Variants in ZNF30 observed in about 807,000 individuals in gnomAD.
ZNF30 encodes zinc finger protein 30 (KOX 28).
ZNF30 carries 15 observed loss-of-function variants against 13.2 expected under a neutral mutation model. The observed-to-expected ratio is 1.13, with a 90% CI of 0.76 to 1.75. The LOEUF is 1.75. Among genes scored for constraint, ZNF30 ranks in the 40% most tolerant of loss-of-function variants. ZNF30 has a pLI of 0.00. For synonymous variants in ZNF30, 223 were observed against 256.6 expected, an observed-to-expected ratio of 0.87 and a Z score of 1.25; for missense variants, 726 against 757.0, an observed-to-expected ratio of 0.96 and a Z score of 0.48.
intron 1 of ZNF30, 113 bp downstream of exon 1, chr19:34,927,329 G>A: frequency 3.3e-6 from 1 of 300,264 alleles, no homozygotes; most frequent in Non-Finnish European, 6.1e-6. Context: ...TGGGTGCATG[G>A]CCTCCATGCG....
chr19:34,931,623 T>G (rs2012456871), intron 2 of ZNF30, among the ~76,000 whole-genome samples: 1 of 152,212 alleles, frequency 6.6e-6, no homozygotes, highest in Non-Finnish European at 1.5e-5. Flanking sequence ...CTTTTATCCA[T>G]TTCACCACAA....
At chr19:34,930,263 G>A (rs901312598) in intron 2 of ZNF30, among the ~76,000 whole-genome samples, 1 of 152,140 alleles carries the variant, frequency 6.6e-6, no homozygotes, top group Non-Finnish European at 1.5e-5. Flanking sequence ...ATCCATCTGT[G>A]GTTTGATGAG....
intron 4 of ZNF30, 118 bp from the exon 5 acceptor site, chr19:34,943,105 T>G (rs930327143): frequency 4.6e-5 from 30 of 649,324 alleles, no homozygotes; most frequent in South Asian, 3.3e-5. Context: ...TTCATAATGG[T>G]GTTTTAATAT....
Position 34,944,430 on chromosome 19 carries a change from AT to A in ZNF30, c.1465del (p.Cys489ValfsTer127). On this transcript the variant is annotated frameshift_variant, in exon 5 of 5. Coordinates refer to ENST00000601142, the MANE Select transcript of ZNF30 (RefSeq NM_194325.3). LOFTEE classifies it low-confidence loss of function (END_TRUNC). ...ATGTAAAGCCCTATGAATGTAAGGA[AT>A]GTGGAAAGACTTTTAGTCGAGCCTC... is the stretch of plus-strand genomic sequence containing the variant. ...TDVKPYECKECGKTFSRASYL... is the reference protein window; with the variant it reads ...TDVKPYECKEXGKTFSRASYL... 2 of 1,614,080 alleles carry A rather than the reference AT, an allele frequency of 1.2e-6. No homozygotes were observed. The highest frequency in any genetic ancestry group is 1.7e-6 in the Non-Finnish European group (2 of 1,179,984).
At position 34,944,064 on chromosome 19, in the gene ZNF30, T is replaced by TA; in HGVS notation, c.1098_1099insA (p.Ala367SerfsTer35). On this transcript the variant is annotated frameshift_variant, in exon 5 of 5. Coordinates refer to ENST00000601142, the MANE Select transcript of ZNF30 (RefSeq NM_194325.3). LOFTEE classifies it low-confidence loss of function (END_TRUNC). Reference sequence around the variant, plus strand: ...TCCTTCATGCACATCAGCGAATTCATGCAGAGATAAAGCCCTACGGATGCA... The same window carrying TA: ...TCCTTCATGCACATCAGCGAATTCATAGCAGAGATAAAGCCCTACGGATGCA... 6.2e-7 allele frequency: 1 copy of TA among 1,614,090 alleles called. No homozygotes were observed. The highest frequency in any genetic ancestry group is 8.5e-7 in the Non-Finnish European group (1 of 1,179,996).
In ZNF30 at chr19:34,944,097, CGGGAG is replaced by C. The variant is rs2013198531; in HGVS notation, c.1132_1136del (p.Gly378AsnfsTer22). 4 of 1,613,176 alleles carry C rather than the reference CGGGAG, an allele frequency of 2.5e-6. No homozygotes were observed. In the South Asian group the frequency reaches 4.4e-5, roughly 18 times the overall value. ...TAAAGCCCTACGGATGCAAGGAATG[CGGGAG>C]AACCTTCAGTCGTGCCTCATATCTT... is the stretch of plus-strand genomic sequence containing the variant. On this transcript the variant is annotated frameshift_variant, in exon 5 of 5. Coordinates refer to ENST00000601142, the MANE Select transcript of ZNF30 (RefSeq NM_194325.3). LOFTEE classifies it low-confidence loss of function (END_TRUNC).
Position 34,943,349 on chromosome 19 carries a change from C to T in ZNF30, c.383C>T (p.Thr128Ile), listed in dbSNP as rs2013144381. The change falls in exon 5 of 5, where the codon ACC (threonine) becomes ATC (isoleucine). Residue 128 changes from threonine (T) to isoleucine (I), a missense_variant. Thr to Ile is a moderately conservative substitution (Grantham distance 89). Coordinates refer to ENST00000601142, the MANE Select transcript of ZNF30 (RefSeq NM_194325.3). ...KPRECQEYGK[T>I]LCQDSKPVQH... ...CGTGAATGTCAGGAATATGGAAAGA[C>T]CCTTTGTCAAGACTCAAAGCCTGTT... The T allele has an allele frequency of 7.4e-6, 12 of 1,613,880 alleles. No individual in the cohort carries two copies. Among genetic ancestry groups the T allele is most frequent in the Non-Finnish European group, 9.3e-6 (11 of 1,179,884 alleles).
intron 1 of ZNF30, among the ~76,000 whole-genome samples, chr19:34,927,734 C>A (rs896169111): frequency 6.6e-6 from 1 of 152,186 alleles, no homozygotes; most frequent in African/African-American, 2.4e-5. Flanking sequence ...TTCAATTTTG[C>A]ATTATCCCAC....
Position 34,944,391 on chromosome 19 carries a change from G to T in ZNF30, c.1425G>T (p.Arg475=), listed in dbSNP as rs1363306321. 2 of 1,613,892 alleles carry T rather than the reference G, an allele frequency of 1.2e-6. No homozygotes were observed. Among genetic ancestry groups the T allele is most frequent in the Non-Finnish European group, 1.7e-6 (2 of 1,179,986 alleles). ...TGCACGTACATCTCACACAGCATCG[G>T]AAAATTCATACTGATGTAAAGCCCT... ...FRVHVHLTQH[R]KIHTDVKPYE... The change falls in exon 5 of 5, where the codon CGG becomes CGT. Residue 475 remains arginine, a synonymous_variant. Transcript: ENST00000601142.
chr19:34,934,512 G>C (rs2012620281), intron 4 of ZNF30, among the ~76,000 whole-genome samples: 1 of 152,098 alleles, frequency 6.6e-6, no homozygotes, highest in African/African-American at 2.4e-5. Flanking sequence ...TGATCCTCCT[G>C]CCTTGGCCTC....
rs373339619 is a variant in ZNF30 at position 34,935,103 on chromosome 19, C to A, written c.256+1380C>A. Among the ~76,000 whole-genome samples, 14 of 151,826 alleles carry A rather than the reference C, an allele frequency of 9.2e-5. 1 individual carries two copies. The highest frequency in any genetic ancestry group is 3.1e-4 in the African/African-American group (13 of 41,422). On this transcript the variant is annotated intron_variant, in intron 4 of 4. Coordinates refer to ENST00000601142, the MANE Select transcript of ZNF30 (RefSeq NM_194325.3). ...AAAATTGGCCAGGCGTGGTGGCGGG[C>A]GCCTGTGGTCCCAGCTACTCGGGAG...
chr19:34,941,591 CCA>C (rs2013053399), intron 4 of ZNF30, among the ~76,000 whole-genome samples: 1 of 152,082 alleles, frequency 6.6e-6, no homozygotes, highest in Non-Finnish European at 1.5e-5. Context: ...AAACTCAGGT[CCA>C]GTTTCTCTCC....
chr19:34,944,185 A>G lies in ZNF30; in HGVS notation c.1219A>G (p.Lys407Glu). 6.2e-7 allele frequency: 1 copy of G among 1,613,174 alleles called. No homozygotes were observed. Among genetic ancestry groups the G allele is most frequent in the South Asian group, 1.1e-5 (1 of 91,024 alleles). ...EKPYECKECG[K>E]AFSTGSYLVQ... ...GCCCTATGAATGTAAGGAGTGTGGC[A>G]AGGCCTTTAGTACTGGCTCATACCT... The change falls in exon 5 of 5, where the codon AAG becomes GAG. Residue 407 changes from lysine (K) to glutamate (E), a missense_variant. Lys to Glu is a moderately conservative substitution (Grantham distance 56, BLOSUM62 1). Transcript: ENST00000601142.
At chr19:34,934,768 T>G (rs1217233687) in intron 4 of ZNF30, among the ~76,000 whole-genome samples, 1 of 152,012 alleles carries the variant, frequency 6.6e-6, no homozygotes, top group Non-Finnish European at 1.5e-5. Flanking sequence ...TTACGGGGGC[T>G]GGGGGACAAC....
In ZNF30 at chr19:34,926,905, T is replaced by C. The variant is rs2012098025; in HGVS notation, c.-376T>C. 1 of 397,826 alleles carries C rather than the reference T, an allele frequency of 2.5e-6. No homozygotes were observed. The allele number at this position is 397,826 out of a possible 1,614,324, so 24.6% of individuals were successfully genotyped here. On this transcript the variant is annotated 5_prime_UTR_variant, in exon 1 of 5. Coordinates refer to ENST00000601142, the MANE Select transcript of ZNF30 (RefSeq NM_194325.3). ...GTCTCCGGGCGCCGGTGGGCGGCCT[T>C]GTGGACTGCGCCGGGCATGCTCGGC...
intron 1 of ZNF30, among the ~76,000 whole-genome samples, chr19:34,928,220 A>AATATATATATATATATATAT (rs374649415): frequency 2.7e-5 from 2 of 73,404 alleles, no homozygotes; most frequent in African/African-American, 6.2e-5. Context: ...AAAAAAAAAA[A>AATATATATATATATATATAT]ATATATATAT....
intron 3 of ZNF30, among the ~76,000 whole-genome samples, chr19:34,932,483 A>T (rs1469606426): frequency 6.6e-6 from 1 of 152,190 alleles, no homozygotes; most frequent in African/African-American, 2.4e-5. Context: ...ATGTCTAAGC[A>T]GACTTTGTTT....
At chr19:34,932,666 A>G (rs1001154592) in intron 3 of ZNF30, among the ~76,000 whole-genome samples, 3 of 152,192 alleles carry the variant, frequency 2.0e-5, no homozygotes, top group African/African-American at 7.2e-5. Flanking sequence ...AATAAAGCAC[A>G]GTGTGTTTAA....
intron 1 of ZNF30, among the ~76,000 whole-genome samples, chr19:34,928,208 T>TAAAAAAAAAAAA (rs386388919): frequency 5.7e-5 from 4 of 70,632 alleles, no homozygotes; most frequent in African/African-American, 2.1e-4. Flanking sequence ...ATCCCTTCTC[T>TAAAAAAAAAAAA]AAAAAAAAAA....
Sources: allele counts gnomAD v4.1 joint callset (sites outside exome capture counted in the v4.1 genomes callset), GRCh38; gene constraint gnomAD v4.1.1; transcripts MANE v1.5; gene names NCBI Gene and HGNC (gene_info 2026-07-23, HGNC 2026-07-21).